The following FANCD2 variants were observed in gnomAD, a reference collection of about 807,000 sequenced individuals.
FANCD2 encodes the protein FA complementation group D2.
A neutral mutation model predicts 192.3 loss-of-function variants in FANCD2; 131 were observed. The ratio of observed to expected loss-of-function variants is 0.68; its 90% confidence interval spans 0.59 to 0.79. The LOEUF (loss-of-function observed/expected upper bound fraction) is 0.79, where lower values mean the gene tolerates loss of function less well. Among genes scored for constraint, FANCD2 ranks in the 30% least tolerant of loss-of-function variants. The pLI is 0.00. For synonymous variants in FANCD2, 524 were observed against 612.5 expected, an observed-to-expected ratio of 0.86 and a Z score of 2.13; for missense variants, 1,508 against 1,701.6, an observed-to-expected ratio of 0.89 and a Z score of 2.00.
chr3:10,087,656 CT>C (rs1221521355), intron 34 of FANCD2, among the ~76,000 whole-genome samples: 3 of 150,874 alleles, frequency 2.0e-5, no homozygotes, highest in Non-Finnish European at 4.4e-5. Flanking sequence ...TGGCCTTTTT[CT>C]TTTTTTTTGA....
At chr3:10,026,503 C>G (rs1328150343) in intron 1 of FANCD2, 30 bp downstream of exon 1, 1 of 508,746 alleles carries the variant, frequency 2.0e-6, no homozygotes, top group African/African-American at 2.1e-5. Context: ...GTCGTAGTCT[C>G]TCGAGGCCCC....
At chr3:10,086,968 T>C (rs1258542301) in intron 33 of FANCD2, among the ~76,000 whole-genome samples, 166 bp from the exon 34 acceptor site, 1 of 152,224 alleles carries the variant, frequency 6.6e-6, no homozygotes, top group Non-Finnish European at 1.5e-5. Flanking sequence ...TATGGTTTTC[T>C]ACCAAGATGC....
At chr3:10,060,630 G>T (rs147049272) in intron 19 of FANCD2, among the ~76,000 whole-genome samples, 57 of 152,284 alleles carry the variant, frequency 3.7e-4, no homozygotes, top group African/African-American at 1.3e-3. Flanking sequence ...AAAAATTAAG[G>T]ATTGGCTAGA....
intron 17 of FANCD2, among the ~76,000 whole-genome samples, chr3:10,050,180 T>C (rs1171094456): frequency 6.6e-6 from 1 of 152,194 alleles, no homozygotes; most frequent in Non-Finnish European, 1.5e-5. Flanking sequence ...GAGAGATAAC[T>C]CAGTAGGCTA....
chr3:10,050,172 G>C (rs570126302), intron 17 of FANCD2, among the ~76,000 whole-genome samples: 1 of 152,288 alleles, frequency 6.6e-6, no homozygotes, highest in African/African-American at 2.4e-5. Flanking sequence ...TCAGCATTGA[G>C]AGATAACTCA....
Position 10,064,720 on chromosome 3 carries a change from T to A in FANCD2, c.2022-9T>A. The A allele has an allele frequency of 6.2e-7, 1 of 1,614,120 alleles. No individual in the cohort carries two copies. Among genetic ancestry groups the A allele is most frequent in the Non-Finnish European group, 8.5e-7 (1 of 1,179,986 alleles). On this transcript the variant is annotated splice_polypyrimidine_tract_variant and intron_variant, in intron 22 of 43. Transcript: ENST00000675286. ...AGCTGCAACATCAGATTCTGGTTTT[T>A]CTCCGCAGTGACTTTCCATTTCCTG...
At chr3:10,055,991 G>C (rs1166281243) in intron 18 of FANCD2, among the ~76,000 whole-genome samples, 1 of 152,106 alleles carries the variant, frequency 6.6e-6, no homozygotes, top group Admixed American at 6.5e-5. Context: ...CAGTTCTCTT[G>C]CCTCAGCCTC....
intron 10 of FANCD2, among the ~76,000 whole-genome samples, chr3:10,041,998 A>G (rs1433014350): frequency 6.6e-6 from 1 of 151,708 alleles, no homozygotes; most frequent in Non-Finnish European, 1.5e-5. Context: ...TACCAAGTTC[A>G]AGCAGTTCCC....
intron 14 of FANCD2, chr3:10,046,285 C>G (rs569258205): frequency 6.8e-5 from 25 of 367,046 alleles, no homozygotes; most frequent in East Asian, 6.0e-4. Context: ...GATCTCCTGA[C>G]CTTGTGATCT....
At chr3:10,053,418 C>T (rs967288190) in intron 18 of FANCD2, among the ~76,000 whole-genome samples, 2 of 151,630 alleles carry the variant, frequency 1.3e-5, no homozygotes, top group Non-Finnish European at 1.5e-5. Flanking sequence ...GGGAGATACA[C>T]CTAATGCTAG....
At position 10,031,234 on chromosome 3, in the gene FANCD2, T is replaced by G. The variant is rs111782737; in HGVS notation, c.65-1598T>G. 2.2e-3 allele frequency among the ~76,000 whole-genome samples: 333 copies of G among 152,272 alleles called. 1 individual carries two copies. The highest frequency in any genetic ancestry group is 6.4e-3 in the South Asian group (31 of 4,826). On this transcript the variant is annotated intron_variant, in intron 2 of 43. Transcript: ENST00000675286. ...AAGAGGGAAAGGAGGCCAGGCACGG[T>G]GGCTCACGCCTGTAATCCCAGCACT... is the stretch of plus-strand genomic sequence containing the variant.
At chr3:10,047,585 G>GA (rs1361886463) in intron 15 of FANCD2, among the ~76,000 whole-genome samples, 687 of 14,018 alleles carry the variant, frequency 0.049, no homozygotes, top group African/African-American at 0.2. Flanking sequence ...GAACATCCCT[G>GA]GGGGTAGTAT....
intron 43 of FANCD2, chr3:10,099,054 C>T: frequency 1.9e-6 from 3 of 1,587,204 alleles, no homozygotes; most frequent in Non-Finnish European, 2.6e-6. Flanking sequence ...ATAGAGTTGA[C>T]AATTTTCTGC....
At chr3:10,038,145 C>G (rs1368967056) in intron 7 of FANCD2, among the ~76,000 whole-genome samples, 2 of 152,042 alleles carry the variant, frequency 1.3e-5, no homozygotes, top group African/African-American at 4.8e-5. Context: ...TGTGCGCCAC[C>G]ACACCCAGCT....
intron 30 of FANCD2, among the ~76,000 whole-genome samples, chr3:10,079,449 G>A (rs1693708700): frequency 6.6e-6 from 1 of 151,960 alleles, no homozygotes; most frequent in Non-Finnish European, 1.5e-5. Flanking sequence ...GGGACTACAG[G>A]CGCGCGCCAC....
chr3:10,093,004 T>C (rs1694746193), intron 38 of FANCD2, among the ~76,000 whole-genome samples: 1 of 152,154 alleles, frequency 6.6e-6, no homozygotes, highest in South Asian at 2.1e-4. Context: ...ATCCAGTCTT[T>C]CTTAAGTCTT....
intron 40 of FANCD2, 55 bp downstream of exon 40, chr3:10,094,418 A>G: frequency 6.8e-7 from 1 of 1,462,274 alleles, no homozygotes; most frequent in East Asian, 2.3e-5. Context: ...CTCAGAAGAT[A>G]TGTCCTTGGT....
chr3:10,041,824 A>G (rs117408636), intron 10 of FANCD2, 114 bp downstream of exon 10: 2 of 756,738 alleles, frequency 2.6e-6, no homozygotes, highest in Non-Finnish European at 4.7e-6. Flanking sequence ...ACCATAGTGA[A>G]TCACATTTGA....
In FANCD2 at chr3:10,072,280, C is replaced by CT. The variant is rs547150617; in HGVS notation, c.2495-575dup. On this transcript the variant is annotated intron_variant, in intron 26 of 43. Transcript: ENST00000675286. ...GCCATAAATATATATATACCTTTCC[C>CT]TTTTTTTTTTTTTTTTGAGACAGAG... 4.3e-3 allele frequency among the ~76,000 whole-genome samples: 595 copies of CT among 139,364 alleles called. 11 individuals are homozygous for CT. Among genetic ancestry groups the CT allele is most frequent in the South Asian group, 0.024 (104 of 4,396 alleles). The allele number at this position is 139,364 out of a possible 152,430, so 91.4% of individuals were successfully genotyped here.
Sources: gnomAD v4.1 joint callset for allele counts (sites outside exome capture counted in the v4.1 genomes callset) on GRCh38, gnomAD v4.1.1 for gene constraint, MANE v1.5 for transcripts, NCBI Gene and HGNC (gene_info 2026-07-23, HGNC 2026-07-21) for gene names.